UBR2: variants seen among roughly 807,000 people sequenced by gnomAD.
UBR2 encodes the protein ubiquitin protein ligase E3 component n-recognin 2, also known as E3 ubiquitin-protein ligase UBR2.
A neutral mutation model predicts 247.9 loss-of-function variants in UBR2; 92 were observed. The ratio of observed to expected loss-of-function variants is 0.37; its 90% CI spans 0.31 to 0.44. The LOEUF is 0.44. Among genes scored for constraint, UBR2 ranks in the 20% least tolerant of loss-of-function variants. The pLI is 1.00. For synonymous variants in UBR2, 672 were observed against 693.5 expected (o/e 0.97, Z 0.49); for missense variants, 1,613 against 2,112.6 (o/e 0.76, Z 4.64).
At chr6:42,676,436 T>A (rs1462692374) in intron 39 of UBR2, among the ~76,000 whole-genome samples, 1 of 152,260 alleles carries the variant, frequency 6.6e-6, no homozygotes, top group Non-Finnish European at 1.5e-5. Flanking sequence ...AGTAATTAAA[T>A]CTTTTAGAAT....
chr6:42,594,083 T>G (rs1355366984), intron 3 of UBR2, 108 bp from the exon 4 acceptor site: 2 of 754,042 alleles, frequency 2.7e-6, no homozygotes, highest in Non-Finnish European at 4.1e-6. Flanking sequence ...TCCAAAGAAA[T>G]TAAACACTTA....
At chr6:42,590,125 TTAAAA>T (rs747325341) in intron 2 of UBR2, among the ~76,000 whole-genome samples, 3 of 152,308 alleles carry the variant, frequency 2.0e-5, no homozygotes, top group African/African-American at 2.4e-5. Flanking sequence ...TAATATTATG[TTAAAA>T]TAATATATGT....
intron 8 of UBR2, among the ~76,000 whole-genome samples, chr6:42,614,167 A>C (rs1794270348): frequency 1.7e-5 from 2 of 120,300 alleles, no homozygotes; most frequent in African/African-American, 3.3e-5. Context: ...ACAGAGTAAG[A>C]CTCTGTCTCC....
intron 4 of UBR2, among the ~76,000 whole-genome samples, chr6:42,600,059 AT>A (rs1793260301): frequency 1.3e-5 from 2 of 152,134 alleles, no homozygotes; most frequent in South Asian, 4.1e-4. Flanking sequence ...CCTCTAGTTT[AT>A]TTCTATATTT....
chr6:42,613,937 G>T (rs1379631989), intron 8 of UBR2, among the ~76,000 whole-genome samples: 5 of 151,216 alleles, frequency 3.3e-5, no homozygotes, highest in African/African-American at 1.2e-4. Context: ...CACTTTGAGA[G>T]GCTAAGGCAA....
In UBR2 at chr6:42,684,783, C is replaced by CT. The variant is rs750752431; in HGVS notation, c.4776-4dup. The CT allele has an allele frequency of 1.9e-6, 3 of 1,598,456 alleles. No individual in the cohort carries two copies. The highest frequency in any genetic ancestry group is 2.6e-6 in the Non-Finnish European group (3 of 1,171,118). On this transcript the variant is annotated splice_polypyrimidine_tract_variant and intron_variant, in intron 43 of 46. Transcript: ENST00000372901. ...TAATGGAGTGTTCTTTAATTTTTCTCTTTTTTTCAGATATCCAAGAGAATC... is the reference window on the plus strand; with the variant it reads ...TAATGGAGTGTTCTTTAATTTTTCTCTTTTTTTTCAGATATCCAAGAGAATC...
chr6:42,608,353 C>G (rs1793849501), intron 7 of UBR2, among the ~76,000 whole-genome samples: 1 of 152,066 alleles, frequency 6.6e-6, no homozygotes, highest in African/African-American at 2.4e-5. Context: ...CACTGGGGCT[C>G]ACATCTGTAA....
rs765327719 is a variant in UBR2, at chr6:42,641,603, T to A, written c.1942T>A (p.Leu648Met). The A allele has an allele frequency of 3.8e-6, 6 of 1,596,214 alleles. No individual in the cohort carries two copies. Among genetic ancestry groups the A allele is most frequent in the Non-Finnish European group, 5.1e-6 (6 of 1,174,728 alleles). ...LPLSELSPPMLIEHPLRCLVL... is the reference protein window; with the variant it reads ...LPLSELSPPMMIEHPLRCLVL... Reference sequence around the variant, plus strand: ...ATAGAGTGAACTTAGCCCACCCATGTTGATAGAACACCCTCTTAGATGTCT... The same window carrying A: ...ATAGAGTGAACTTAGCCCACCCATGATGATAGAACACCCTCTTAGATGTCT... Residue 648 changes from leucine (L) to methionine (M), a missense_variant, in exon 17 of 47, where the codon TTG becomes ATG. Transcript: ENST00000372901.
rs1441009088 is a variant in UBR2, at chr6:42,665,469, A to G, written c.3759A>G (p.Gln1253=). The change falls in exon 33 of 47, where the codon CAA becomes CAG. Residue 1253 remains glutamine (Q), a synonymous_variant. Transcript: ENST00000372901. ...AGTGGATTAGAACAATATCTCAGCA[A>G]ATAAAAGCATTACAGTTTCTTAGGA... ...LTQWIRTISQ[Q]IKALQFLRKE... The G allele has an allele frequency of 4.3e-6, 7 of 1,613,098 alleles. No individual in the cohort carries two copies.
intron 9 of UBR2, 93 bp from the exon 10 acceptor site, chr6:42,615,909 A>G: frequency 3.0e-6 from 3 of 993,416 alleles, no homozygotes; most frequent in Non-Finnish European, 4.3e-6. Flanking sequence ...AAAACAAAAC[A>G]AAACAAAAAA....
chr6:42,660,993 TTTTAAA>T (rs1797765339), intron 30 of UBR2, among the ~76,000 whole-genome samples: 3 of 117,902 alleles, frequency 2.5e-5, no homozygotes, highest in East Asian at 2.5e-4. Context: ...GTTTGTTTGT[TTTTAAA>T]AAAAAAAAAA....
chr6:42,572,532 T>A (rs73436643), intron 1 of UBR2, among the ~76,000 whole-genome samples: 3,325 of 152,142 alleles, frequency 0.022, 115 homozygotes, highest in African/African-American at 0.075. Flanking sequence ...AGGTTTTTTT[T>A]AATTTCAGCT....
At chr6:42,610,733 A>G (rs1794012810) in intron 7 of UBR2, among the ~76,000 whole-genome samples, 1 of 152,116 alleles carries the variant, frequency 6.6e-6, no homozygotes, top group African/African-American at 2.4e-5. Flanking sequence ...GGCGAGTTTC[A>G]CTTTTGCAAG....
At chr6:42,641,453 A>C in intron 16 of UBR2, 129 bp from the exon 17 acceptor site, 3 of 567,406 alleles carry the variant, frequency 5.3e-6, no homozygotes, top group South Asian at 4.7e-5. Flanking sequence ...GTCTCAAAAA[A>C]TAATAATAAT....
At chr6:42,680,132 A>G (rs926463494) in intron 42 of UBR2, among the ~76,000 whole-genome samples, 3 of 152,068 alleles carry the variant, frequency 2.0e-5, no homozygotes, top group Non-Finnish European at 2.9e-5. Flanking sequence ...CGGCCTCCCA[A>G]GTAGCTGGGG....
chr6:42,639,494 A>C (rs148228231), intron 15 of UBR2, among the ~76,000 whole-genome samples: 5 of 152,328 alleles, frequency 3.3e-5, no homozygotes, highest in Non-Finnish European at 7.3e-5. Flanking sequence ...TCTGCTCAGG[A>C]GGCTGAGGCA....
chr6:42,637,819 C>G (rs1265745283), intron 15 of UBR2, among the ~76,000 whole-genome samples: 1 of 152,230 alleles, frequency 6.6e-6, no homozygotes, highest in East Asian at 1.9e-4. Context: ...TGAATATGCA[C>G]TTATCCATCT....
chr6:42,659,689 G>C lies in UBR2; in HGVS notation c.3276G>C (p.Leu1092=), dbSNP rs1797689793. ...PVASDMTLTA[L]GPAQTQVPEQ... is the part of the protein sequence containing the mutation. The stretch of plus-strand genomic sequence containing the variant: ...CTTCAGATATGACACTTACAGCACT[G>C]GGCCCCGCACAAACTCAGGTTCCTG... Residue 1092 remains leucine, a synonymous_variant, in exon 30 of 47, where the codon CTG becomes CTC. Coordinates refer to ENST00000372901, the MANE Select transcript of UBR2 (RefSeq NM_001363705.2). The surrounding 1 kb of genome is among the most constrained non-coding windows in gnomAD (Gnocchi z 4.3). 6.2e-7 allele frequency: 1 copy of C among 1,613,666 alleles called. No homozygotes were observed. The highest frequency in any genetic ancestry group is 8.5e-7 in the Non-Finnish European group (1 of 1,179,894).
intron 4 of UBR2, among the ~76,000 whole-genome samples, chr6:42,601,693 A>G (rs1264208304): frequency 3.3e-5 from 5 of 150,810 alleles, no homozygotes; most frequent in Admixed American, 2.0e-4. Flanking sequence ...TAGCTCAAAA[A>G]AAAAAAAAAA....
Sources: gnomAD v4.1 joint callset for allele counts (sites outside exome capture counted in the v4.1 genomes callset) on GRCh38, gnomAD v4.1.1 for gene constraint, Gnocchi (gnomAD v3.1) non-coding constraint, MANE v1.5 for transcripts, NCBI Gene and HGNC (gene_info 2026-07-23, HGNC 2026-07-21) for gene names.